Variants in TRMO observed in about 807,000 individuals in gnomAD.
The protein encoded by TRMO is tRNA (adenine(37)-N6)-methyltransferase.
TRMO carries 30 observed loss-of-function variants against 37.2 expected under a neutral mutation model. That is an observed-to-expected ratio of 0.81 (90% confidence interval 0.60 to 1.09). TRMO has a LOEUF of 1.09. TRMO is among the 50% of genes least tolerant of loss of function. The pLI is 0.00. For synonymous variants in TRMO, 239 were observed against 199.4 expected, an observed-to-expected ratio of 1.20 and a Z score of -1.67; for missense variants, 552 against 549.5, an observed-to-expected ratio of 1.00 and a Z score of -0.05.
downstream of TRMO, among the ~76,000 whole-genome samples, chr9:97,900,222 G>A (rs1360114868): frequency 1.3e-5 from 2 of 152,204 alleles, no homozygotes; most frequent in African/African-American, 4.8e-5. Context: ...TAGGTTTATA[G>A]GTCATTGAAG....
intron 4 of TRMO, among the ~76,000 whole-genome samples, chr9:97,905,897 T>G (rs1301480141): frequency 6.6e-6 from 1 of 152,196 alleles, no homozygotes; most frequent in Non-Finnish European, 1.5e-5. Context: ...GGCTCACACC[T>G]GTAATCCCAG....
downstream of TRMO, among the ~76,000 whole-genome samples, chr9:97,904,106 CAGTAA>C (rs1825757042): frequency 6.6e-6 from 1 of 152,022 alleles, no homozygotes; most frequent in Non-Finnish European, 1.5e-5. Flanking sequence ...AACAAAAAAA[CAGTAA>C]CAATTTTCTT....
At position 97,916,458 on chromosome 9, in the gene TRMO, A is replaced by G. The variant is rs1196157408; in HGVS notation, c.77-120T>C. 3 of 680,280 alleles carry G rather than the reference A, an allele frequency of 4.4e-6. No homozygotes were observed. In the East Asian group the frequency reaches 8.2e-5, roughly 19 times the overall value. The allele number at this position is 680,280 out of a possible 1,614,324, so 42.1% of individuals were successfully genotyped here. A position where few individuals can be genotyped will look rare whatever the true frequency, so the allele number is the denominator to read the frequency against. On this transcript the variant is annotated intron_variant, in intron 1 of 4. Coordinates refer to ENST00000375119, the MANE Select transcript of TRMO (RefSeq NM_016481.5). ...TAAAATCTTAGTGTCGTGCAACTAT[A>G]AAAATGATTTTTATAGTATTCATGA...
chr9:97,917,397 A>G (rs1826419639), intron 1 of TRMO, among the ~76,000 whole-genome samples: 1 of 152,204 alleles, frequency 6.6e-6, no homozygotes, highest in African/African-American at 2.4e-5. Flanking sequence ...CTAGAATGTA[A>G]GCTCCATGTG....
chr9:97,901,720 G>C (rs1169378547), downstream of TRMO, among the ~76,000 whole-genome samples: 1 of 150,254 alleles, frequency 6.7e-6, no homozygotes, highest in African/African-American at 2.5e-5. Context: ...CTCTGGGTTC[G>C]TGGAATGAGC....
the TRMO span, among the ~76,000 whole-genome samples, chr9:97,897,925 T>TAGCTTTGAACTCCTTGC: frequency 1.3e-5 from 2 of 152,168 alleles, no homozygotes; most frequent in African/African-American, 4.8e-5. Context: ...GGCATGATCA[T>TAGCTTTGAACTCCTTGC]AGCTTTGAAC....
intron 1 of TRMO, among the ~76,000 whole-genome samples, chr9:97,917,805 A>G (rs1213035308): frequency 1.3e-5 from 2 of 151,076 alleles, no homozygotes; most frequent in Admixed American, 6.6e-5. Flanking sequence ...CAGTCTCCCA[A>G]GTAGCTGGGA....
At chr9:97,902,013 G>C (rs1056653562), downstream of TRMO, among the ~76,000 whole-genome samples, 1 of 152,170 alleles carries the variant, frequency 6.6e-6, no homozygotes, top group African/African-American at 2.4e-5. Flanking sequence ...AAGAAAACGG[G>C]GGTGCTCAGC....
chr9:97,904,039 G>A (rs750896222), downstream of TRMO, among the ~76,000 whole-genome samples: 19 of 152,142 alleles, frequency 1.2e-4, no homozygotes, highest in Non-Finnish European at 2.4e-4. Context: ...CCGAGATCAC[G>A]CCACTGCACT....
At chr9:97,908,184 G>T (rs536760194) in intron 4 of TRMO, among the ~76,000 whole-genome samples, 2 of 152,096 alleles carry the variant, frequency 1.3e-5, no homozygotes, top group Non-Finnish European at 2.9e-5. Context: ...AGGCCAAGGC[G>T]GGGGAATCAC....
Position 97,904,883 on chromosome 9 carries a change from G to A in TRMO, c.1176C>T (p.Cys392=). ...CAGTAAAGTAGAAAAGGCGGTCCTGGCAAAGCTTCCGGCGGTACACAGACC... is the reference window on the plus strand; with the variant it reads ...CAGTAAAGTAGAAAAGGCGGTCCTGACAAAGCTTCCGGCGGTACACAGACC... ...DPRSVYRRKL[C]QDRLFYFTVD... Residue 392 remains cysteine, a synonymous_variant, in exon 5 of 5, where the codon TGC becomes TGT. Transcript: ENST00000375119. 1 of 1,614,174 alleles carries A rather than the reference G, an allele frequency of 6.2e-7. No homozygotes were observed. The highest frequency in any genetic ancestry group is 8.5e-7 in the Non-Finnish European group (1 of 1,180,020).
intron 3 of TRMO, chr9:97,912,417 A>G (rs1587836282): frequency 3.9e-5 from 6 of 155,230 alleles, no homozygotes; most frequent in Admixed American, 3.8e-4. Flanking sequence ...GAATAATCAT[A>G]AAATCTTCTA....
intron 2 of TRMO, among the ~76,000 whole-genome samples, chr9:97,914,653 T>C (rs1689609897): frequency 6.6e-6 from 1 of 152,060 alleles, no homozygotes; most frequent in Admixed American, 6.5e-5. Flanking sequence ...AAAATATACA[T>C]CTATATTTTG....
At chr9:97,901,101 C>T (rs572971041), downstream of TRMO, among the ~76,000 whole-genome samples, 16 of 152,334 alleles carry the variant, frequency 1.1e-4, no homozygotes, top group South Asian at 4.1e-4. Flanking sequence ...GTGGGCCAAA[C>T]GCCAAAATTA....
At chr9:97,914,524 T>C (rs1038502870) in intron 2 of TRMO, among the ~76,000 whole-genome samples, 1 of 152,146 alleles carries the variant, frequency 6.6e-6, no homozygotes, top group African/African-American at 2.4e-5. Flanking sequence ...ACCCAATATA[T>C]CCACTTCTGA....
In TRMO at chr9:97,916,351, A is replaced by G. The variant is rs1335087905; in HGVS notation, c.77-13T>C. 7 of 1,588,076 alleles carry G rather than the reference A, an allele frequency of 4.4e-6. No individual in the cohort carries two copies. The African/African-American group carries it at 6.8e-5, about 15-fold the overall frequency. ...GTTAAAAGATTCCCTACAGGAGAAA[A>G]TTAGGTAAAAAGTTATTAGTCAAAA... On this transcript the variant is annotated splice_polypyrimidine_tract_variant and intron_variant, in intron 1 of 4. Transcript: ENST00000375119.
intron 1 of TRMO, among the ~76,000 whole-genome samples, chr9:97,916,627 A>G (rs944706393): frequency 1.2e-4 from 18 of 152,006 alleles, no homozygotes; most frequent in African/African-American, 4.3e-4. Flanking sequence ...CAGAATACCT[A>G]CTATGACCAT....
chr9:97,910,581 G>A lies in TRMO; in HGVS notation c.445C>T (p.His149Tyr). 6.2e-7 allele frequency: 1 copy of A among 1,614,004 alleles called. No individual in the cohort carries two copies. The highest frequency in any genetic ancestry group is 8.5e-7 in the Non-Finnish European group (1 of 1,179,890). ...AIYLSGIDMI[H>Y]GTPVLDIKPY... ...TTGATGTCTAGTACGGGTGTGCCAT[G>A]TATCATGTCAATTCCAGAAAGGTAT... The change falls in exon 4 of 5, where the codon CAT becomes TAT. Residue 149 changes from histidine (H) to tyrosine (Y), a missense_variant. Physicochemically the swap from His to Tyr is moderately conservative, Grantham distance 83. Transcript: ENST00000375119.
chr9:97,901,234 T>C (rs1465143917), downstream of TRMO, among the ~76,000 whole-genome samples: 1 of 121,086 alleles, frequency 8.3e-6, no homozygotes, highest in Non-Finnish European at 1.6e-5. Flanking sequence ...TGGGTGCCAT[T>C]TACGCCTAGT....
Sources: allele counts gnomAD v4.1 joint callset (sites outside exome capture counted in the v4.1 genomes callset), GRCh38; gene constraint gnomAD v4.1.1; transcripts MANE v1.5; gene names NCBI Gene and HGNC (gene_info 2026-07-23, HGNC 2026-07-21).